NDST1: variants seen among roughly 807,000 people sequenced by gnomAD.
NDST1 encodes N-deacetylase and N-sulfotransferase 1.
In NDST1, 35 loss-of-function variants were observed where a neutral mutation model predicts 92.8. The observed-to-expected ratio is 0.38, with a 90% CI of 0.29 to 0.50. The LOEUF is 0.50. Ranked by LOEUF, NDST1 falls within the 20% of genes least tolerant of loss-of-function variation. NDST1 has a pLI of 0.94. For missense variants in NDST1, 822 were observed against 1,182.7 expected (o/e 0.69, Z 4.47); for synonymous variants, 493 against 500.3 (o/e 0.99, Z 0.19).
intron 1 of NDST1, among the ~76,000 whole-genome samples, chr5:150,517,161 C>A (rs1754012019): frequency 6.6e-6 from 1 of 151,840 alleles, no homozygotes; most frequent in African/African-American, 2.4e-5. Context: ...TGGTACTTTT[C>A]TTTTTTTTGA....
intron 3 of NDST1, among the ~76,000 whole-genome samples, chr5:150,530,215 G>T (rs1754659859): frequency 6.6e-6 from 1 of 152,192 alleles, no homozygotes; most frequent in Admixed American, 6.5e-5. Context: ...CTCCAGCGGT[G>T]CTGCTTTGCG....
At chr5:150,499,083 G>T (rs768902513) in intron 1 of NDST1, among the ~76,000 whole-genome samples, 2 of 152,232 alleles carry the variant, frequency 1.3e-5, no homozygotes, top group Non-Finnish European at 1.5e-5. Flanking sequence ...TACCTCAGCT[G>T]CAGGGAAGTT....
Position 150,557,021 on chromosome 5 carries a change from A to C in NDST1, c.*3689A>C, listed in dbSNP as rs1755884207. ...GATTGTTTGCTCATGGTGTCGCATA[A>C]CCACTTCTTCTATCCCCTGTACTTT... On this transcript the variant is annotated 3_prime_UTR_variant, in exon 15 of 15. Coordinates refer to ENST00000261797, the MANE Select transcript of NDST1 (RefSeq NM_001543.5). This position sits in a 1 kb window ranked among gnomAD's most constrained non-coding sequence, Gnocchi z 4.7. The C allele has an allele frequency of 6.6e-6, 1 of 152,650 alleles. No individual in the cohort carries two copies. The highest frequency in any genetic ancestry group is 1.5e-5 in the Non-Finnish European group (1 of 68,046). 9.5% of individuals were successfully genotyped at this position (152,650 alleles called of 1,614,324 possible). A position where few individuals can be genotyped will look rare whatever the true frequency, so the allele number is the denominator to read the frequency against.
At chr5:150,541,455 T>A in intron 8 of NDST1, 115 bp from the exon 9 acceptor site, 1 of 873,150 alleles carries the variant, frequency 1.1e-6, no homozygotes, top group South Asian at 1.4e-5. Context: ...CAAGGACACA[T>A]GTAGCATGTA....
In NDST1 at chr5:150,521,152, G is replaced by GA. The variant is rs2151269839; in HGVS notation, c.-101dup. On this transcript the variant is annotated 5_prime_UTR_variant, in exon 2 of 15. Transcript: ENST00000261797. The surrounding 1 kb of genome is among the most constrained non-coding windows in gnomAD (Gnocchi z 5.9). ...AGGGCGTCGCTTCCTAAGTCTCTGT[G>GA]AATTTGTTGGTCAGTGGACGATTCT... 1 of 1,078,590 alleles carries GA rather than the reference G, an allele frequency of 9.3e-7. No individual in the cohort carries two copies. Among genetic ancestry groups the GA allele is most frequent in the South Asian group, 1.5e-5 (1 of 67,438 alleles). The allele number at this position is 1,078,590 out of a possible 1,614,324, so 66.8% of individuals were successfully genotyped here. A position where few individuals can be genotyped will look rare whatever the true frequency, so the allele number is the denominator to read the frequency against.
intron 1 of NDST1, among the ~76,000 whole-genome samples, chr5:150,501,468 T>A (rs964111894): frequency 6.6e-6 from 1 of 152,098 alleles, no homozygotes; most frequent in East Asian, 1.9e-4. Flanking sequence ...AAGCAGTCAA[T>A]TGGACTAGAA....
Position 150,543,979 on chromosome 5 carries a change from C to T in NDST1, c.1970+1008C>T, listed in dbSNP as rs60417587. Among the ~76,000 whole-genome samples the T allele has an allele frequency of 2.1e-3, 325 of 152,292 alleles. 9 individuals carry two copies. In the East Asian group the frequency reaches 0.056, roughly 26 times the overall value. ...ATTTTTAGTAGAGACGAGGTTTTGC[C>T]ATGTTGGTCAGGCTGGTCTTGAACT... is the stretch of plus-strand genomic sequence containing the variant. On this transcript the variant is annotated intron_variant, in intron 10 of 14. Coordinates refer to ENST00000261797, the MANE Select transcript of NDST1 (RefSeq NM_001543.5).
chr5:150,513,468 TA>T (rs1429313146), intron 1 of NDST1, among the ~76,000 whole-genome samples: 1 of 151,930 alleles, frequency 6.6e-6, no homozygotes, highest in Non-Finnish European at 1.5e-5. Context: ...GCAAGACTCT[TA>T]AAAAAAGAAA....
chr5:150,519,593 C>G (rs1754146989), intron 1 of NDST1, among the ~76,000 whole-genome samples: 1 of 152,060 alleles, frequency 6.6e-6, no homozygotes, highest in Admixed American at 6.5e-5. Context: ...GAGGCTGAGG[C>G]AGGAGAATCA....
At chr5:150,534,144 A>G (rs898893528) in intron 4 of NDST1, among the ~76,000 whole-genome samples, 2 of 149,888 alleles carry the variant, frequency 1.3e-5, no homozygotes, top group African/African-American at 4.9e-5. Flanking sequence ...TCACCCAGGC[A>G]GGAGTACAGT....
At chr5:150,541,734 C>A in intron 9 of NDST1, 68 bp downstream of exon 9, 1 of 1,412,846 alleles carries the variant, frequency 7.1e-7, no homozygotes, top group Non-Finnish European at 1.0e-6. Flanking sequence ...ATTCTGAGGA[C>A]TGCCTTGCCC....
intron 3 of NDST1, among the ~76,000 whole-genome samples, chr5:150,530,928 A>G (rs1471018149): frequency 1.3e-5 from 2 of 152,182 alleles, no homozygotes; most frequent in African/African-American, 4.8e-5. Context: ...AACAATAGAA[A>G]TAGAAAAATA....
intron 13 of NDST1, among the ~76,000 whole-genome samples, chr5:150,551,430 G>A (rs1325854754): frequency 6.6e-6 from 1 of 152,160 alleles, no homozygotes; most frequent in Non-Finnish European, 1.5e-5. Context: ...CATTGAGAAT[G>A]CTCAGAAAAG....
rs142755613 is a variant in NDST1 at position 150,528,045 on chromosome 5, T to G, written c.755T>G (p.Leu252Arg). The change falls in exon 3 of 15, where the codon CTG becomes CGG. Residue 252 changes from leucine to arginine, a missense_variant. Transcript: ENST00000261797. ...KTRSSESIPH[L>R]GADAGLHAAL... The stretch of plus-strand genomic sequence containing the variant: ...CGCTCGTCTGAGTCCATCCCACACC[T>G]GGGCGCAGACGCCGGCCTGCATGCT... 1 of 1,613,482 alleles carries G rather than the reference T, an allele frequency of 6.2e-7. No homozygotes were observed. The highest frequency in any genetic ancestry group is 2.2e-5 in the East Asian group (1 of 44,878).
chr5:150,513,307 A>G (rs1173069812), intron 1 of NDST1, among the ~76,000 whole-genome samples: 1 of 152,098 alleles, frequency 6.6e-6, no homozygotes, highest in Non-Finnish European at 1.5e-5. Flanking sequence ...CCTGGGCAAC[A>G]TGGCGAAACC....
upstream of NDST1, chr5:150,497,889 T>A (rs1041600679): frequency 6.6e-6 from 1 of 151,992 alleles, no homozygotes; most frequent in African/African-American, 2.4e-5. Flanking sequence ...CCTGAGGGAG[T>A]CGGCTCCCTC....
chr5:150,512,178 G>A (rs1753755174), intron 1 of NDST1, among the ~76,000 whole-genome samples: 1 of 152,140 alleles, frequency 6.6e-6, no homozygotes, highest in African/African-American at 2.4e-5. Flanking sequence ...CCCACCCCAT[G>A]TGCATGTGGC....
intron 1 of NDST1, among the ~76,000 whole-genome samples, chr5:150,514,521 A>AT (rs975390727): frequency 6.8e-6 from 1 of 146,352 alleles, no homozygotes; most frequent in African/African-American, 2.6e-5. Context: ...AGATAGTGCC[A>AT]TTGCACTCCA....
Position 150,528,104 on chromosome 5 carries a change from C to T in NDST1, c.814C>T (p.Leu272=), listed in dbSNP as rs1190385487. The change falls in exon 3 of 15, where the codon CTG becomes TTG. Residue 272 remains leucine (L), a synonymous_variant. Transcript: ENST00000261797. The stretch of plus-strand genomic sequence containing the variant: ...CGCCACTGTGGTCCAGGACCTGGGC[C>T]TGCACGACGGCATCCAGCGCGTGCT... ...LHATVVQDLG[L]HDGIQRVLFG... 15 of 1,613,822 alleles carry T rather than the reference C, an allele frequency of 9.3e-6. No homozygotes were observed. Among genetic ancestry groups the T allele is most frequent in the Non-Finnish European group, 1.2e-5 (14 of 1,179,846 alleles).
Sources: gnomAD v4.1 joint callset for allele counts (sites outside exome capture counted in the v4.1 genomes callset) on GRCh38, gnomAD v4.1.1 for gene constraint, Gnocchi (gnomAD v3.1) non-coding constraint, MANE v1.5 for transcripts, NCBI Gene and HGNC (gene_info 2026-07-23, HGNC 2026-07-21) for gene names.